TLCD1: variants seen among roughly 807,000 people sequenced by gnomAD.
The protein encoded by TLCD1 is TLC domain-containing protein 1.
A neutral mutation model predicts 21.2 loss-of-function variants in TLCD1; 21 were observed. The observed-to-expected ratio is 0.99, with a 90% confidence interval of 0.70 to 1.42. The LOEUF is 1.42. Among genes scored for constraint, TLCD1 ranks in the 40% most tolerant of loss-of-function variants. TLCD1 has a pLI of 0.00. For missense variants in TLCD1, 344 were observed against 330.3 expected, an observed-to-expected ratio of 1.04 and a Z score of -0.32; for synonymous variants, 168 against 134.8, an observed-to-expected ratio of 1.25 and a Z score of -1.71.
chr17:28,725,265 G>C, intron 3 of TLCD1, 39 bp downstream of exon 3: 1 of 1,603,544 alleles, frequency 6.2e-7, no homozygotes, highest in Non-Finnish European at 8.5e-7. Flanking sequence ...CTAGATTACT[G>C]ACACCAGGCC....
In TLCD1 at chr17:28,725,973, G is replaced by C. The variant is rs2034219888; in HGVS notation, c.125C>G (p.Thr42Ser). The change falls in exon 1 of 4, where the codon ACC becomes AGC. Residue 42 changes from threonine to serine, a missense_variant. Coordinates refer to ENST00000292090, the MANE Select transcript of TLCD1 (RefSeq NM_138463.4). ...PVHVRADPLR[T>S]WRWHNLLVSF... ...GACGAGCAGGTTGTGCCAGCGCCAG[G>C]TGCGCAGGGGGTCGGCGCGCACGTG... The C allele has an allele frequency of 1.2e-6, 2 of 1,612,412 alleles. No individual in the cohort carries two copies. Among genetic ancestry groups the C allele is most frequent in the East Asian group, 4.5e-5 (2 of 44,726 alleles).
upstream of TLCD1, chr17:28,726,265 G>C: frequency 8.1e-7 from 1 of 1,240,492 alleles, no homozygotes. Flanking sequence ...CTCCCTGCGA[G>C]GCCTCTGCCC....
rs2034173409 is a variant in TLCD1, at chr17:28,724,393, G to T, written c.*117C>A. The T allele has an allele frequency of 1.6e-6, 2 of 1,289,518 alleles. No individual in the cohort carries two copies. Among genetic ancestry groups the T allele is most frequent in the Admixed American group, 2.2e-5 (1 of 46,234 alleles). The allele number at this position is 1,289,518 out of a possible 1,614,324, so 79.9% of individuals were successfully genotyped here. On this transcript the variant is annotated 3_prime_UTR_variant, in exon 4 of 4. Transcript: ENST00000292090. ...AGTGTTTTCAATAGTGTGGGCGCAG[G>T]CTCAGAAGGTGGAGAGGCTGGCCTC... is the stretch of plus-strand genomic sequence containing the variant.
chr17:28,726,249 C>T, upstream of TLCD1: 1 of 1,268,812 alleles, frequency 7.9e-7, no homozygotes, highest in Non-Finnish European at 9.9e-7. Flanking sequence ...TTGGCTCCTC[C>T]TCGCCCTCCC....
chr17:28,726,588 C>G (rs2034235257), upstream of TLCD1, among the ~76,000 whole-genome samples: 1 of 152,124 alleles, frequency 6.6e-6, no homozygotes, highest in Non-Finnish European at 1.5e-5. Context: ...AGAGCTCTCT[C>G]CGCCCTCTAC....
upstream of TLCD1, chr17:28,726,349 G>C: frequency 1.4e-6 from 1 of 718,808 alleles, no homozygotes; most frequent in Non-Finnish European, 1.7e-6. Context: ...CCCCTCAGGC[G>C]CTGCTGCCGC....
In TLCD1 at chr17:28,725,449, A is replaced by T. The variant is rs1340256169; in HGVS notation, c.277+32T>A. On this transcript the variant is annotated intron_variant, in intron 2 of 3. Transcript: ENST00000292090. ...AAGCAGCTTCCTTCTCCCTGTCCCCAATTTGCCTCCCGCTTCCTGGGCAAG... is the reference window on the plus strand; with the variant it reads ...AAGCAGCTTCCTTCTCCCTGTCCCCTATTTGCCTCCCGCTTCCTGGGCAAG... 4 of 1,614,050 alleles carry T rather than the reference A, an allele frequency of 2.5e-6. No homozygotes were observed. In the Admixed American group the frequency reaches 6.7e-5, roughly 27 times the overall value.
intron 3 of TLCD1, 85 bp downstream of exon 3, chr17:28,725,219 C>T: frequency 2.0e-6 from 3 of 1,480,400 alleles, no homozygotes; most frequent in Non-Finnish European, 2.8e-6. Context: ...TAAGAAAACA[C>T]GGCCTTCTCC....
intron 1 of TLCD1, 23 bp downstream of exon 1, chr17:28,725,881 C>A (rs551079477): frequency 6.2e-7 from 1 of 1,608,452 alleles, no homozygotes; most frequent in Non-Finnish European, 8.5e-7. Flanking sequence ...CTGGCCACCT[C>A]ATTTCCACAG....
In TLCD1 at chr17:28,726,037, C is replaced by A; in HGVS notation, c.61G>T (p.Ala21Ser). Residue 21 changes from alanine (A) to serine (S), a missense_variant, in exon 1 of 4, where the codon GCG becomes TCG. Ala to Ser is a moderately conservative substitution (Grantham distance 99, BLOSUM62 1). Transcript: ENST00000292090. ...AGGCGACAGAGCGCGCGCCGGAGCG[C>A]CCGGAAGGTCAGCGTGGCGCCCAGG... ...LLLGATLTFRALRRALCRLPL... is the reference protein window; with the variant it reads ...LLLGATLTFRSLRRALCRLPL... 6.3e-7 allele frequency: 1 copy of A among 1,586,720 alleles called. No individual in the cohort carries two copies. The highest frequency in any genetic ancestry group is 1.1e-5 in the South Asian group (1 of 88,730).
chr17:28,724,445 T>C lies in TLCD1; in HGVS notation c.*65A>G. On this transcript the variant is annotated 3_prime_UTR_variant, in exon 4 of 4. Transcript: ENST00000292090. ...GAGGACACCCAGGCTTGGGGCTAAG[T>C]CCCAGTGTCCATATGAAGCTGTTTC... 6.4e-7 allele frequency: 1 copy of C among 1,566,234 alleles called. No individual in the cohort carries two copies. The highest frequency in any genetic ancestry group is 8.7e-7 in the Non-Finnish European group (1 of 1,155,536).
rs2151727252 is a variant in TLCD1, at chr17:28,725,286, A to G, written c.360+18T>C. 6.2e-7 allele frequency: 1 copy of G among 1,613,620 alleles called. No individual in the cohort carries two copies. The highest frequency in any genetic ancestry group is 2.2e-5 in the East Asian group (1 of 44,880). On this transcript the variant is annotated intron_variant, in intron 3 of 3. Transcript: ENST00000292090. ...TACTGACACCAGGCCTATACCACAT[A>G]GTCTGCTTCTCTCTTACCATGACGT...
At chr17:28,726,726 G>T, upstream of TLCD1, 1 of 1,546,318 alleles carries the variant, frequency 6.5e-7, no homozygotes, top group South Asian at 1.2e-5. Flanking sequence ...CGCACCACTC[G>T]CAGTCTTCTG....
At chr17:28,725,176 A>C in intron 3 of TLCD1, 128 bp downstream of exon 3, 1 of 1,100,522 alleles carries the variant, frequency 9.1e-7, no homozygotes, top group Middle Eastern at 3.0e-4. Context: ...GCATCCTAGC[A>C]TAAGAAGTAG....
At position 28,725,537 on chromosome 17, in the gene TLCD1, A is replaced by G; in HGVS notation, c.221T>C (p.Val74Ala). ...LCVWQTPDML[V>A]EIETAWSLSG... ...AAGTGACCACGCCGTCTCAATCTCC[A>G]CTAACATGTCAGGAGTCTGCCATAC... Residue 74 changes from valine (V) to alanine (A), a missense_variant, in exon 2 of 4, where the codon GTG becomes GCG. Coordinates refer to ENST00000292090, the MANE Select transcript of TLCD1 (RefSeq NM_138463.4). The G allele has an allele frequency of 1.9e-6, 3 of 1,614,080 alleles. No individual in the cohort carries two copies. Among genetic ancestry groups the G allele is most frequent in the Middle Eastern group, 1.6e-4 (1 of 6,062 alleles).
At chr17:28,725,208 G>C in intron 3 of TLCD1, 96 bp downstream of exon 3, 1 of 1,411,024 alleles carries the variant, frequency 7.1e-7, no homozygotes, top group Admixed American at 1.8e-5. Flanking sequence ...GGGGTGGGTG[G>C]TAAGAAAACA....
Position 28,724,488 on chromosome 17 carries a change from G to T in TLCD1, c.*22C>A. ...GCTGTTTCTGGCCTTGTCCGTTTTT[G>T]TTGTCCCAGGCTCTGTGCCCCTCAC... is the stretch of plus-strand genomic sequence containing the variant. On this transcript the variant is annotated 3_prime_UTR_variant, in exon 4 of 4. Transcript: ENST00000292090. 6.2e-7 allele frequency: 1 copy of T among 1,603,650 alleles called. No homozygotes were observed.
chr17:28,726,633 C>G, upstream of TLCD1: 1 of 936,622 alleles, frequency 1.1e-6, no homozygotes, highest in Non-Finnish European at 1.7e-6. Flanking sequence ...CCGACACGCC[C>G]ACGCCCCCTA....
rs775959773 is a variant in TLCD1 at position 28,726,113 on chromosome 17, C to T, written c.-16G>A. The T allele has an allele frequency of 1.4e-6, 2 of 1,426,042 alleles. No homozygotes were observed. The highest frequency in any genetic ancestry group is 9.1e-7 in the Non-Finnish European group (1 of 1,101,482). 88.3% of individuals were successfully genotyped at this position (1,426,042 alleles called of 1,614,324 possible). A position where few individuals can be genotyped will look rare whatever the true frequency, so the allele number is the denominator to read the frequency against. On this transcript the variant is annotated 5_prime_UTR_variant, in exon 1 of 4. Coordinates refer to ENST00000292090, the MANE Select transcript of TLCD1 (RefSeq NM_138463.4). Reference sequence around the variant, plus strand: ...GTCGGGGCATGCTGGCCCTCCCTGCCGTCCGCCCTCGAGGCCGCCTCCTAG... The same window carrying T: ...GTCGGGGCATGCTGGCCCTCCCTGCTGTCCGCCCTCGAGGCCGCCTCCTAG...
Sources: gnomAD v4.1 joint callset for allele counts (sites outside exome capture counted in the v4.1 genomes callset) on GRCh38, gnomAD v4.1.1 for gene constraint, MANE v1.5 for transcripts, NCBI Gene and HGNC (gene_info 2026-07-23, HGNC 2026-07-21) for gene names.